The following NEGR1 variants were observed in gnomAD, a reference collection of about 807,000 sequenced individuals.
The protein encoded by NEGR1 is neuronal growth regulator 1.
Under a neutral mutation model 40.9 loss-of-function variants are expected in NEGR1, and 10 were observed. The observed-to-expected ratio is 0.24, with a 90% CI of 0.15 to 0.42. The LOEUF is 0.42. Among genes scored for constraint, NEGR1 ranks in the 10% least tolerant of loss-of-function variants. The probability of loss-of-function intolerance (pLI) is 1.00; values close to 1 mark genes in which losing one functional copy is unlikely to be tolerated. For synonymous variants in NEGR1, 185 were observed against 166.8 expected (o/e 1.11, Z -0.84); for missense variants, 352 against 438.9 (o/e 0.80, Z 1.77).
At chr1:71,698,573 C>T (rs563001789) in intron 3 of NEGR1, among the ~76,000 whole-genome samples, 9 of 151,936 alleles carry the variant, frequency 5.9e-5, no homozygotes, top group South Asian at 2.1e-4. Context: ...GGGAAATCTC[C>T]TACCCTTATT....
At chr1:71,804,953 T>A (rs1404848511) in intron 2 of NEGR1, among the ~76,000 whole-genome samples, 1 of 152,158 alleles carries the variant, frequency 6.6e-6, no homozygotes, top group African/African-American at 2.4e-5. Context: ...GAATTCTTTT[T>A]CTCAGCAAGG....
chr1:72,081,823 T>G (rs1648011381), intron 1 of NEGR1, among the ~76,000 whole-genome samples: 1 of 152,110 alleles, frequency 6.6e-6, no homozygotes, highest in African/African-American at 2.4e-5. Context: ...ACTATATCAC[T>G]GTTAGGTAAT....
At chr1:71,683,011 A>G (rs1175597732) in intron 4 of NEGR1, among the ~76,000 whole-genome samples, 1 of 4,924 alleles carries the variant, frequency 2.0e-4, no homozygotes, top group East Asian at 0.12. Context: ...GAGCCAAATA[A>G]ACTTTTTTTC....
intron 2 of NEGR1, among the ~76,000 whole-genome samples, chr1:71,928,770 A>C (rs1645826333): frequency 6.6e-6 from 1 of 151,958 alleles, no homozygotes; most frequent in African/African-American, 2.4e-5. Flanking sequence ...TTACTACTTC[A>C]TTGTGGGGAA....
intron 2 of NEGR1, among the ~76,000 whole-genome samples, chr1:71,843,474 G>A (rs1179974268): frequency 2.0e-5 from 3 of 152,098 alleles, no homozygotes; most frequent in Non-Finnish European, 2.9e-5. Context: ...TCCCAGTTAC[G>A]TGCTGACTGA....
At chr1:71,788,282 G>T (rs1277156130) in intron 2 of NEGR1, among the ~76,000 whole-genome samples, 1 of 152,040 alleles carries the variant, frequency 6.6e-6, no homozygotes, top group Admixed American at 6.6e-5. Context: ...AAGATAACTT[G>T]CCATGTGTTG....
chr1:71,853,142 T>C (rs1659660067), intron 2 of NEGR1, among the ~76,000 whole-genome samples: 2 of 152,098 alleles, frequency 1.3e-5, no homozygotes, highest in South Asian at 4.1e-4. Flanking sequence ...CTTATATCTA[T>C]TTGTGTAATT....
chr1:72,014,232 G>T (rs192262143), intron 1 of NEGR1, among the ~76,000 whole-genome samples: 2 of 151,980 alleles, frequency 1.3e-5, no homozygotes, highest in South Asian at 2.1e-4. Context: ...GGATATTGCA[G>T]TACAAACATT....
chr1:71,451,548 C>G lies in NEGR1; in HGVS notation c.941-43978G>C, dbSNP rs191094598. The stretch of plus-strand genomic sequence containing the variant: ...ACAGGGTTTCACCACGTTGGCCAGG[C>G]TGGTCTCAAACTCCTAACCTCAGGT... On this transcript the variant is annotated intron_variant, in intron 6 of 6. Coordinates refer to ENST00000357731, the MANE Select transcript of NEGR1 (RefSeq NM_173808.3). 4.5e-3 allele frequency among the ~76,000 whole-genome samples: 679 copies of G among 152,056 alleles called. 5 individuals carry two copies. The highest frequency in any genetic ancestry group is 0.016 in the African/African-American group (643 of 41,482).
intron 2 of NEGR1, among the ~76,000 whole-genome samples, chr1:71,913,268 C>A (rs1411527052): frequency 6.6e-6 from 1 of 152,058 alleles, no homozygotes; most frequent in African/African-American, 2.4e-5. Context: ...GCGCCTGCCA[C>A]CACGCCCAGC....
chr1:71,553,624 G>A (rs1648156536), intron 6 of NEGR1, among the ~76,000 whole-genome samples: 1 of 151,534 alleles, frequency 6.6e-6, no homozygotes, highest in Admixed American at 6.6e-5. Context: ...TGATTCATCT[G>A]AAATATATTG....
At chr1:71,572,006 T>C (rs1038250975) in intron 6 of NEGR1, among the ~76,000 whole-genome samples, 5 of 152,108 alleles carry the variant, frequency 3.3e-5, no homozygotes, top group African/African-American at 1.2e-4. Flanking sequence ...TGTAAATTTA[T>C]ACCATATTTA....
chr1:71,905,117 C>T (rs1288681466), intron 2 of NEGR1, among the ~76,000 whole-genome samples: 1 of 152,048 alleles, frequency 6.6e-6, no homozygotes, highest in Non-Finnish European at 1.5e-5. Context: ...GACATTCAAT[C>T]CACTGTTTTG....
chr1:72,071,878 C>A (rs1647477299), intron 1 of NEGR1, among the ~76,000 whole-genome samples: 3 of 152,128 alleles, frequency 2.0e-5, no homozygotes, highest in Non-Finnish European at 4.4e-5. Flanking sequence ...CTCTGTGTCA[C>A]AAGCTTTGCT....
At chr1:71,883,759 T>C (rs1449507488) in intron 2 of NEGR1, among the ~76,000 whole-genome samples, 1 of 125,206 alleles carries the variant, frequency 8.0e-6, no homozygotes, top group Non-Finnish European at 1.6e-5. Context: ...TGGTGTGTGA[T>C]GTTCCCCATC....
rs150330996 is a variant in NEGR1, at chr1:71,430,541, A to T, written c.941-22971T>A. 5.6e-3 allele frequency among the ~76,000 whole-genome samples: 854 copies of T among 152,112 alleles called. 6 individuals carry two copies. Among genetic ancestry groups the T allele is most frequent in the African/African-American group, 0.02 (815 of 41,480 alleles). Reference sequence around the variant, plus strand: ...CCTTAGATTATCCAGACTTTCCAACATTCTTACAGCATAGAGTTGGCTATA... The same window carrying T: ...CCTTAGATTATCCAGACTTTCCAACTTTCTTACAGCATAGAGTTGGCTATA... On this transcript the variant is annotated intron_variant, in intron 6 of 6. Coordinates refer to ENST00000357731, the MANE Select transcript of NEGR1 (RefSeq NM_173808.3).
At chr1:72,031,680 T>C (rs747863653) in intron 1 of NEGR1, among the ~76,000 whole-genome samples, 23 of 152,280 alleles carry the variant, frequency 1.5e-4, no homozygotes, top group Middle Eastern at 3.4e-3. Context: ...GTGAGAATAC[T>C]GAACACTGAG....
chr1:72,133,415 A>G (rs1451108020), intron 1 of NEGR1, among the ~76,000 whole-genome samples: 1 of 152,086 alleles, frequency 6.6e-6, no homozygotes, highest in African/African-American at 2.4e-5. Flanking sequence ...TATGAAGGTA[A>G]GGAAAGGGAA....
intron 6 of NEGR1, among the ~76,000 whole-genome samples, chr1:71,447,385 T>C (rs1427234588): frequency 6.6e-6 from 1 of 152,178 alleles, no homozygotes; most frequent in Admixed American, 6.5e-5. Context: ...ATATAAATCA[T>C]TTTCCAGATC....
Sources: allele counts gnomAD v4.1 joint callset (sites outside exome capture counted in the v4.1 genomes callset), GRCh38; gene constraint gnomAD v4.1.1; transcripts MANE v1.5; gene names NCBI Gene and HGNC (gene_info 2026-07-23, HGNC 2026-07-21).